ASIC2: variants seen among roughly 807,000 people sequenced by gnomAD.
The protein encoded by ASIC2 is acid-sensing ion channel 2.
Under a neutral mutation model 57.3 loss-of-function variants are expected in ASIC2, and 25 were observed. That is an observed-to-expected ratio of 0.44 (90% CI 0.32 to 0.61). The LOEUF (loss-of-function observed/expected upper bound fraction) is 0.61, where lower values mean the gene tolerates loss of function less well. Ranked by LOEUF, ASIC2 falls within the 20% of genes least tolerant of loss-of-function variation. The probability of loss-of-function intolerance (pLI) is 0.06; values close to 1 mark genes in which losing one functional copy is unlikely to be tolerated. For synonymous variants in ASIC2, 319 were observed against 307.5 expected, an observed-to-expected ratio of 1.04 and a Z score of -0.39; for missense variants, 641 against 738.1, an observed-to-expected ratio of 0.87 and a Z score of 1.52.
At chr17:33,228,348 GA>G (rs1907962258) in intron 1 of ASIC2, among the ~76,000 whole-genome samples, 1 of 151,844 alleles carries the variant, frequency 6.6e-6, no homozygotes, top group Admixed American at 6.5e-5. Flanking sequence ...TATCACAATT[GA>G]AAAAAAAGAA....
intron 1 of ASIC2, among the ~76,000 whole-genome samples, chr17:33,874,629 A>G (rs1489982074): frequency 6.6e-6 from 1 of 152,158 alleles, no homozygotes; most frequent in Non-Finnish European, 1.5e-5. Flanking sequence ...GAGCTGCTAG[A>G]TGGTAACCCC....
chr17:33,426,629 C>A (rs1911229321), intron 1 of ASIC2, among the ~76,000 whole-genome samples: 1 of 152,208 alleles, frequency 6.6e-6, no homozygotes, highest in Non-Finnish European at 1.5e-5. Flanking sequence ...CCTGGACAGG[C>A]AGCCTTGAGC....
chr17:33,320,365 A>G (rs940361384), intron 1 of ASIC2, among the ~76,000 whole-genome samples: 8 of 152,076 alleles, frequency 5.3e-5, no homozygotes, highest in African/African-American at 1.9e-4. Context: ...AAAGGGTTTC[A>G]TTTTTATTGC....
chr17:33,446,658 T>C (rs888473265), intron 1 of ASIC2, among the ~76,000 whole-genome samples: 1 of 152,194 alleles, frequency 6.6e-6, no homozygotes, highest in Non-Finnish European at 1.5e-5. Flanking sequence ...CATCCTGTTA[T>C]TGACTATAGA....
intron 1 of ASIC2, among the ~76,000 whole-genome samples, chr17:33,886,577 C>A (rs7220320): frequency 0.011 from 1,666 of 152,150 alleles, 24 homozygotes; most frequent in African/African-American, 0.038. Context: ...GGCAAAGAAG[C>A]AAAGGCTTAA....
At chr17:33,376,912 C>T (rs1909299112) in intron 1 of ASIC2, among the ~76,000 whole-genome samples, 1 of 152,132 alleles carries the variant, frequency 6.6e-6, no homozygotes, top group Non-Finnish European at 1.5e-5. Flanking sequence ...CACAATCACC[C>T]CGGAGAGAGA....
chr17:33,695,358 T>C (rs1394080743), intron 1 of ASIC2, among the ~76,000 whole-genome samples: 1 of 152,044 alleles, frequency 6.6e-6, no homozygotes, highest in Non-Finnish European at 1.5e-5. Context: ...TGCTATGGGG[T>C]TGTGGGGCTG....
chr17:33,066,575 A>G (rs141265719), intron 3 of ASIC2, among the ~76,000 whole-genome samples: 1,834 of 152,296 alleles, frequency 0.012, 11 homozygotes, highest in Middle Eastern at 0.02. Context: ...GAAACTTGGC[A>G]GGGCCCTCCC....
rs377028722 is a variant in ASIC2 at position 33,753,313 on chromosome 17, G to A, written c.555+402665C>T. Among the ~76,000 whole-genome samples, 11 of 152,116 alleles carry A rather than the reference G, an allele frequency of 7.2e-5. No homozygotes were observed. In the East Asian group the frequency reaches 1.9e-3, roughly 27 times the overall value. On this transcript the variant is annotated intron_variant, in intron 1 of 9. Coordinates refer to the ASIC2 transcript ENST00000359872. ...GCCATGGATTGGGGGAAGAAAAGGAGGGAAGAAGGGGTGAAGCTTGGGGGT... is the reference window on the plus strand; with the variant it reads ...GCCATGGATTGGGGGAAGAAAAGGAAGGAAGAAGGGGTGAAGCTTGGGGGT...
At chr17:34,057,390 C>T (rs567252226) in intron 1 of ASIC2, among the ~76,000 whole-genome samples, 2 of 152,190 alleles carry the variant, frequency 1.3e-5, no homozygotes, top group East Asian at 1.9e-4. Flanking sequence ...TGGGATGGAG[C>T]AACTGGTGGG....
At chr17:33,543,574 A>G (rs1915489246) in intron 1 of ASIC2, among the ~76,000 whole-genome samples, 1 of 152,204 alleles carries the variant, frequency 6.6e-6, no homozygotes, top group Admixed American at 6.5e-5. Flanking sequence ...TGTCATCCCA[A>G]CAACTGATTA....
intron 1 of ASIC2, among the ~76,000 whole-genome samples, chr17:33,685,994 C>T (rs952925262): frequency 1.3e-5 from 2 of 152,144 alleles, no homozygotes; most frequent in African/African-American, 4.8e-5. Flanking sequence ...CTTTGGGAAT[C>T]GGCCTCCTGC....
intron 1 of ASIC2, among the ~76,000 whole-genome samples, chr17:33,477,088 C>T (rs112850452): frequency 6.6e-5 from 10 of 152,188 alleles, no homozygotes; most frequent in African/African-American, 2.4e-4. Context: ...ATTTTGGTTG[C>T]TAAATCTTAT....
chr17:33,883,617 G>A (rs750733585), intron 1 of ASIC2, among the ~76,000 whole-genome samples: 5 of 152,126 alleles, frequency 3.3e-5, no homozygotes, highest in Non-Finnish European at 7.3e-5. Flanking sequence ...CTCAGCCCCA[G>A]ATGCACATGT....
chr17:33,287,983 A>G (rs538681013), intron 1 of ASIC2, among the ~76,000 whole-genome samples: 14 of 152,332 alleles, frequency 9.2e-5, no homozygotes, highest in African/African-American at 3.4e-4. Flanking sequence ...TGCAGGCTAC[A>G]CAAGACAACA....
chr17:33,806,265 C>T (rs1455613524), intron 1 of ASIC2, among the ~76,000 whole-genome samples: 1 of 152,230 alleles, frequency 6.6e-6, no homozygotes, highest in Non-Finnish European at 1.5e-5. Context: ...CAGACAGTAC[C>T]CAAACCAATA....
intron 1 of ASIC2, among the ~76,000 whole-genome samples, chr17:33,796,149 A>T (rs1213833075): frequency 1.3e-5 from 2 of 151,950 alleles, no homozygotes; most frequent in Non-Finnish European, 2.9e-5. Context: ...CGGAGGACAG[A>T]CTCCCCCACC....
At chr17:34,088,166 G>T (rs1910181513) in intron 1 of ASIC2, among the ~76,000 whole-genome samples, 1 of 152,142 alleles carries the variant, frequency 6.6e-6, no homozygotes, top group East Asian at 1.9e-4. Context: ...CCCCATCTTT[G>T]TGGTTTTATC....
chr17:33,562,093 A>C (rs2045726400), intron 1 of ASIC2, among the ~76,000 whole-genome samples: 1 of 152,212 alleles, frequency 6.6e-6, no homozygotes, highest in South Asian at 2.1e-4. Flanking sequence ...TTCTCAGGAC[A>C]TTCAGAACCA....
Sources: allele counts gnomAD v4.1 joint callset (sites outside exome capture counted in the v4.1 genomes callset), GRCh38; gene constraint gnomAD v4.1.1; transcripts MANE v1.5; gene names NCBI Gene and HGNC (gene_info 2026-07-23, HGNC 2026-07-21).